Variants in TYW1B observed in about 807,000 individuals in gnomAD.
TYW1B encodes the protein tRNA-yW synthesizing protein 1 homolog B, also known as S-adenosyl-L-methionine-dependent tRNA 4-demethylwyosine synthase TYW1B.
TYW1B carries 73 observed loss-of-function variants against 86.9 expected under a neutral mutation model. The observed-to-expected ratio is 0.84, with a 90% CI of 0.70 to 1.02. The LOEUF (loss-of-function observed/expected upper bound fraction) is 1.02, where lower values mean the gene tolerates loss of function less well. TYW1B is among the 50% of genes least tolerant of loss of function. TYW1B has a pLI of 0.00. For synonymous variants in TYW1B, 248 were observed against 292.8 expected (o/e 0.85, Z 1.56); for missense variants, 637 against 827.4 (o/e 0.77, Z 2.82).
intron 13 of TYW1B, among the ~76,000 whole-genome samples, chr7:72,599,814 T>A (rs68044527): frequency 0.15 from 23,389 of 151,832 alleles, 2,443 homozygotes; most frequent in East Asian, 0.56. Flanking sequence ...GAAATATAAA[T>A]CTAACAAAAC....
chr7:72,820,312 A>T (rs1468202088), intron 2 of TYW1B, among the ~76,000 whole-genome samples: 1 of 152,084 alleles, frequency 6.6e-6, no homozygotes, highest in Non-Finnish European at 1.5e-5. Flanking sequence ...AGAATTTCAT[A>T]TCCAGCCAAA....
At chr7:72,583,917 T>C (rs1201686172) in intron 13 of TYW1B, among the ~76,000 whole-genome samples, 2 of 151,914 alleles carry the variant, frequency 1.3e-5, no homozygotes, top group Admixed American at 1.3e-4. Context: ...AAGATTCAAA[T>C]TGGAGGGTGT....
At chr7:72,815,553 G>C in intron 2 of TYW1B, 72 bp from the exon 3 acceptor site, 2 of 1,345,700 alleles carry the variant, frequency 1.5e-6, no homozygotes, top group Non-Finnish European at 2.1e-6. Flanking sequence ...ACCCCTGTTG[G>C]CACAAGAATG....
intron 7 of TYW1B, among the ~76,000 whole-genome samples, chr7:72,760,892 A>G (rs1408132005): frequency 1.3e-5 from 2 of 152,194 alleles, no homozygotes; most frequent in East Asian, 3.8e-4. Context: ...TTTGATACAT[A>G]GGACTAAGTT....
At chr7:72,662,420 T>C (rs1195322400) in intron 11 of TYW1B, among the ~76,000 whole-genome samples, 403 of 31,710 alleles carry the variant, frequency 0.013, 4 homozygotes, top group African/African-American at 0.04. Context: ...GTTTTTAATA[T>C]ATATATATAG....
chr7:72,650,183 G>C (rs571256890), intron 11 of TYW1B, among the ~76,000 whole-genome samples: 1 of 151,650 alleles, frequency 6.6e-6, no homozygotes, highest in Non-Finnish European at 1.5e-5. Flanking sequence ...CAAAGTGCTG[G>C]GATTACAGGA....
At chr7:72,593,453 A>C (rs1355885856) in intron 13 of TYW1B, among the ~76,000 whole-genome samples, 2 of 152,164 alleles carry the variant, frequency 1.3e-5, no homozygotes, top group Non-Finnish European at 1.5e-5. Context: ...AAGTTAGGCT[A>C]CCAATTAGGC....
intron 7 of TYW1B, among the ~76,000 whole-genome samples, chr7:72,757,765 C>T (rs1470239740): frequency 1.3e-5 from 2 of 152,208 alleles, no homozygotes; most frequent in African/African-American, 4.8e-5. Context: ...ACAAAAGCCA[C>T]AACCTTGAAC....
chr7:72,814,809 A>T (rs541417641), intron 3 of TYW1B, among the ~76,000 whole-genome samples: 1 of 151,742 alleles, frequency 6.6e-6, no homozygotes, highest in Non-Finnish European at 1.5e-5. Flanking sequence ...TCACGCCTAT[A>T]ATCCCAGCAC....
chr7:72,782,149 TGTG>T (rs1788060174), intron 6 of TYW1B, among the ~76,000 whole-genome samples: 1 of 151,748 alleles, frequency 6.6e-6, no homozygotes, highest in Admixed American at 6.6e-5. Context: ...ATTAGCCAGG[TGTG>T]GTGGCACGTG....
intron 8 of TYW1B, among the ~76,000 whole-genome samples, chr7:72,734,911 A>G (rs1169647028): frequency 6.6e-6 from 1 of 152,222 alleles, no homozygotes; most frequent in Non-Finnish European, 1.5e-5. Flanking sequence ...CCGCAATGAA[A>G]TTCCATCTCA....
At chr7:72,606,748 G>A (rs571671003) in intron 13 of TYW1B, among the ~76,000 whole-genome samples, 1 of 151,668 alleles carries the variant, frequency 6.6e-6, no homozygotes, top group South Asian at 2.1e-4. Context: ...GCAGTAACAA[G>A]GCACCCTTCC....
chr7:72,643,427 A>G (rs1175573111), intron 11 of TYW1B, among the ~76,000 whole-genome samples: 1 of 151,968 alleles, frequency 6.6e-6, no homozygotes, highest in African/African-American at 2.4e-5. Context: ...TCTTTACTAA[A>G]AATTCAAAAA....
At chr7:72,642,559 A>G (rs1812826461) in intron 11 of TYW1B, among the ~76,000 whole-genome samples, 1 of 152,234 alleles carries the variant, frequency 6.6e-6, no homozygotes, top group African/African-American at 2.4e-5. Context: ...AAGAACGGAC[A>G]AAGAAAATAT....
chr7:72,706,284 G>T (rs1435966320), intron 10 of TYW1B, among the ~76,000 whole-genome samples: 4 of 151,796 alleles, frequency 2.6e-5, no homozygotes, highest in African/African-American at 9.7e-5. Context: ...AAAATTAGCC[G>T]GGTGTGGTGG....
intron 5 of TYW1B, among the ~76,000 whole-genome samples, chr7:72,806,637 CTTTTT>C (rs1298528220): frequency 1.4e-4 from 21 of 151,852 alleles, no homozygotes; most frequent in African/African-American, 4.6e-4. Context: ...CATCTTCCTT[CTTTTT>C]TTGTTATTTT....
At chr7:72,708,782 C>T (rs529759635) in intron 10 of TYW1B, among the ~76,000 whole-genome samples, 8 of 152,164 alleles carry the variant, frequency 5.3e-5, no homozygotes, top group South Asian at 4.2e-4. Flanking sequence ...TAGTTTAATT[C>T]GGAGAGGCCT....
At chr7:72,655,592 T>C (rs1554443506) in intron 11 of TYW1B, among the ~76,000 whole-genome samples, 4 of 152,118 alleles carry the variant, frequency 2.6e-5, no homozygotes, top group Non-Finnish European at 5.9e-5. Flanking sequence ...GTCCACCCCA[T>C]GTCCTATACC....
intron 11 of TYW1B, among the ~76,000 whole-genome samples, chr7:72,652,739 T>C (rs1428829707): frequency 6.6e-6 from 1 of 152,068 alleles, no homozygotes; most frequent in Non-Finnish European, 1.5e-5. Flanking sequence ...ATAAAGCTGA[T>C]AATGATGAAA....
Sources: gnomAD v4.1 joint callset for allele counts (sites outside exome capture counted in the v4.1 genomes callset) on GRCh38, gnomAD v4.1.1 for gene constraint, MANE v1.5 for transcripts, NCBI Gene and HGNC (gene_info 2026-07-23, HGNC 2026-07-21) for gene names.